ATG10: variants seen among roughly 807,000 people sequenced by gnomAD.
ATG10 encodes the protein autophagy related 10, also known as ubiquitin-like-conjugating enzyme ATG10.
A neutral mutation model predicts 32.1 loss-of-function variants in ATG10; 30 were observed. That is an observed-to-expected ratio of 0.94 (90% CI 0.70 to 1.27). The LOEUF (loss-of-function observed/expected upper bound fraction) is 1.27, where lower values mean the gene tolerates loss of function less well. ATG10 is among the 50% of genes most tolerant of loss of function. The probability of loss-of-function intolerance (pLI) is 0.00; values close to 1 mark genes in which losing one functional copy is unlikely to be tolerated. For synonymous variants in ATG10, 87 were observed against 91.5 expected, an observed-to-expected ratio of 0.95 and a Z score of 0.28; for missense variants, 233 against 262.3, an observed-to-expected ratio of 0.89 and a Z score of 0.77.
At chr5:82,227,926 C>T (rs1746198282) in intron 5 of ATG10, among the ~76,000 whole-genome samples, 1 of 152,136 alleles carries the variant, frequency 6.6e-6, no homozygotes, top group Non-Finnish European at 1.5e-5. Flanking sequence ...TATGTATGGG[C>T]TGGGTGCAGT....
rs756426439 is a variant in ATG10 at position 82,252,544 on chromosome 5, C to T, written c.454-18C>T. On this transcript the variant is annotated intron_variant, in intron 5 of 7. Coordinates refer to ENST00000282185, the MANE Select transcript of ATG10 (RefSeq NM_031482.5). ...AAAGTAACTCACACTGATCCTGGAC[C>T]AATTCTGATTCTTACAGGAACATCC... 1 of 1,502,634 alleles carries T rather than the reference C, an allele frequency of 6.7e-7. No individual in the cohort carries two copies. The highest frequency in any genetic ancestry group is 1.2e-5 in the South Asian group (1 of 86,440). The allele number at this position is 1,502,634 out of a possible 1,614,324, so 93.1% of individuals were successfully genotyped here.
intron 2 of ATG10, among the ~76,000 whole-genome samples, chr5:82,030,787 CTTG>C (rs1339573656): frequency 6.6e-6 from 1 of 152,182 alleles, no homozygotes; most frequent in Non-Finnish European, 1.5e-5. Flanking sequence ...CATTTGGGCT[CTTG>C]TTGAACTTGA....
At chr5:81,985,525 A>G (rs545131924) in intron 1 of ATG10, among the ~76,000 whole-genome samples, 16 of 150,400 alleles carry the variant, frequency 1.1e-4, no homozygotes, top group Admixed American at 6.0e-4. Flanking sequence ...TTCAAACTCA[A>G]TATGGCCAAA....
chr5:81,976,327 G>A (rs1760875787), intron 1 of ATG10: 1 of 152,112 alleles, frequency 6.6e-6, no homozygotes, highest in South Asian at 2.1e-4. Context: ...AGTTATTAAA[G>A]GTAGGCCACA....
chr5:82,194,779 C>T lies in ATG10; in HGVS notation c.453+16192C>T, dbSNP rs1288468510. Among the ~76,000 whole-genome samples, 3 of 152,254 alleles carry T rather than the reference C, an allele frequency of 2.0e-5. No homozygotes were observed. The East Asian group carries it at 5.8e-4, about 29-fold the overall frequency. On this transcript the variant is annotated intron_variant, in intron 5 of 7. Coordinates refer to ENST00000282185, the MANE Select transcript of ATG10 (RefSeq NM_031482.5). ...GGGCTTTTGAATTTAGTTCTTTTTC[C>T]TGGCATTTTATAGGAGACAGGCTTT...
intron 5 of ATG10, among the ~76,000 whole-genome samples, chr5:82,189,516 CTG>C (rs1208644256): frequency 6.6e-6 from 1 of 152,194 alleles, no homozygotes; most frequent in African/African-American, 2.4e-5. Context: ...CTAATGTACT[CTG>C]TGTGTGTAGG....
At chr5:82,185,323 A>G (rs1215142604) in intron 5 of ATG10, among the ~76,000 whole-genome samples, 1 of 152,168 alleles carries the variant, frequency 6.6e-6, no homozygotes, top group Admixed American at 6.5e-5. Context: ...TTCTGATTCC[A>G]TATGTCTGGG....
At chr5:82,160,195 A>G (rs1168623730) in intron 3 of ATG10, among the ~76,000 whole-genome samples, 1 of 152,132 alleles carries the variant, frequency 6.6e-6, no homozygotes, top group African/African-American at 2.4e-5. Flanking sequence ...TCTGCCCTCC[A>G]GTCCCCCAAC....
At chr5:82,157,169 G>A (rs910568171) in intron 3 of ATG10, among the ~76,000 whole-genome samples, 3 of 152,098 alleles carry the variant, frequency 2.0e-5, no homozygotes, top group Non-Finnish European at 2.9e-5. Flanking sequence ...GGGAACCCAC[G>A]TTGGCCATGC....
At chr5:82,114,339 G>C (rs1765712029) in intron 3 of ATG10, among the ~76,000 whole-genome samples, 1 of 151,980 alleles carries the variant, frequency 6.6e-6, no homozygotes, top group Non-Finnish European at 1.5e-5. Context: ...AGAAAGGGGA[G>C]AGAGAAATGA....
intron 2 of ATG10, among the ~76,000 whole-genome samples, chr5:82,019,683 A>G (rs1762385582): frequency 1.3e-5 from 2 of 152,062 alleles, no homozygotes; most frequent in African/African-American, 2.4e-5. Flanking sequence ...AACCACTTGT[A>G]ATGAGTTTGG....
At chr5:82,035,730 A>G (rs1372687073) in intron 2 of ATG10, among the ~76,000 whole-genome samples, 1 of 148,462 alleles carries the variant, frequency 6.7e-6, no homozygotes, top group Non-Finnish European at 1.5e-5. Flanking sequence ...ATTTGTAAAA[A>G]TAACATATAT....
chr5:82,216,753 A>G (rs1270899689), intron 5 of ATG10, among the ~76,000 whole-genome samples: 1 of 152,150 alleles, frequency 6.6e-6, no homozygotes, highest in African/African-American at 2.4e-5. Flanking sequence ...CCACAGCTAT[A>G]AGAATGAAGA....
chr5:81,996,425 A>C (rs1470732354), intron 2 of ATG10, among the ~76,000 whole-genome samples: 2 of 152,076 alleles, frequency 1.3e-5, no homozygotes, highest in African/African-American at 4.8e-5. Flanking sequence ...TTTTTTGTAG[A>C]GATGGGGTCA....
Position 82,175,914 on chromosome 5 carries a change from G to A in ATG10, c.356-2576G>A, listed in dbSNP as rs183979190. 5.3e-5 allele frequency among the ~76,000 whole-genome samples: 8 copies of A among 151,398 alleles called. No homozygotes were observed. The East Asian group carries it at 1.4e-3, about 26-fold the overall frequency. ...ACACACACACACACACACACCCCAA[G>A]GCATAATGTAACCTCCATGAAAACA... On this transcript the variant is annotated intron_variant, in intron 4 of 7. Coordinates refer to ENST00000282185, the MANE Select transcript of ATG10 (RefSeq NM_031482.5).
intron 3 of ATG10, among the ~76,000 whole-genome samples, chr5:82,134,071 G>T (rs1766646145): frequency 1.7e-5 from 2 of 120,078 alleles, no homozygotes; most frequent in South Asian, 6.7e-4. Flanking sequence ...CATTGATTTT[G>T]TATTCTGAGG....
At chr5:81,986,503 C>T (rs1761278120) in intron 1 of ATG10, among the ~76,000 whole-genome samples, 1 of 152,018 alleles carries the variant, frequency 6.6e-6, no homozygotes, top group African/African-American at 2.4e-5. Flanking sequence ...TGCACAGTGC[C>T]TGCTACTTAA....
chr5:82,111,428 T>C (rs1289881453), intron 3 of ATG10: 1 of 152,026 alleles, frequency 6.6e-6, no homozygotes, highest in African/African-American at 2.4e-5. Context: ...AGCTGTGGTT[T>C]CTTATCTTCA....
intron 5 of ATG10, among the ~76,000 whole-genome samples, chr5:82,227,387 A>G (rs535110246): frequency 6.6e-6 from 1 of 151,746 alleles, no homozygotes; most frequent in African/African-American, 2.4e-5. Context: ...TTTTATTATT[A>G]TTTTTTTGAG....
Sources: allele counts gnomAD v4.1 joint callset (sites outside exome capture counted in the v4.1 genomes callset), GRCh38; gene constraint gnomAD v4.1.1; transcripts MANE v1.5; gene names NCBI Gene and HGNC (gene_info 2026-07-23, HGNC 2026-07-21).